The following KIF1A variants were observed in gnomAD, a reference collection of about 807,000 sequenced individuals.
The protein encoded by KIF1A is kinesin family member 1A.
Under a neutral mutation model 227.3 loss-of-function variants are expected in KIF1A, and 46 were observed. The observed-to-expected ratio is 0.20, with a 90% CI of 0.16 to 0.26. The LOEUF (loss-of-function observed/expected upper bound fraction) is 0.26. Ranked by LOEUF, KIF1A falls within the 10% of genes least tolerant of loss-of-function variation. KIF1A has a pLI of 1.00. For missense variants in KIF1A, 1,683 were observed against 2,485.9 expected (o/e 0.68, Z 6.87); for synonymous variants, 1,022 against 1,012.8 (o/e 1.01, Z -0.17).
chr2:240,725,030 G>C lies in KIF1A; in HGVS notation c.4256+241C>G, dbSNP rs571388929. Among the ~76,000 whole-genome samples the C allele has an allele frequency of 1.1e-4, 17 of 150,738 alleles. No homozygotes were observed. The highest frequency in any genetic ancestry group is 5.9e-5 in the Non-Finnish European group (4 of 67,804). On this transcript the variant is annotated intron_variant, in intron 40 of 48. Transcript: ENST00000498729. The surrounding 1 kb of genome is among the most constrained non-coding windows in gnomAD (Gnocchi z 5.8). ...CTGCCCCTCCTCCCATCCGCTGCAG[G>C]CTGGCCCTCAAGTCCCTCATAGTGG...
Position 240,726,937 on chromosome 2 carries a change from G to C in KIF1A, c.4011C>G (p.Thr1337=). ...GYIHPAQDDR[T]FYQFEAAWDS... is the part of the protein sequence containing the mutation. ...CCCACGCAGCCTCAAATTGGTAAAA[G>C]GTCCTGAAAGGAAGCAGAGACAAAG... The change falls in exon 39 of 49, where the codon ACC becomes ACG. Residue 1337 remains threonine (T), a synonymous_variant. Coordinates refer to ENST00000498729, the MANE Select transcript of KIF1A (RefSeq NM_001244008.2). The surrounding 1 kb of genome is among the most constrained non-coding windows in gnomAD (Gnocchi z 5.2). The C allele has an allele frequency of 6.3e-7, 1 of 1,589,970 alleles. No individual in the cohort carries two copies. Among genetic ancestry groups the C allele is most frequent in the African/African-American group, 1.3e-5 (1 of 74,708 alleles).
At position 240,728,068 on chromosome 2, in the gene KIF1A, G is replaced by T. The variant is rs566940711; in HGVS notation, c.4008-1128C>A. ...TTCAGAGACATCAACACACACAGCT[G>T]GGCGGCCACGCAGGCTCCAAGGCGG... On this transcript the variant is annotated intron_variant, in intron 38 of 48. Transcript: ENST00000498729. Among the ~76,000 whole-genome samples the T allele has an allele frequency of 1.6e-3, 250 of 152,310 alleles. 1 individual carries two copies. Among genetic ancestry groups the T allele is most frequent in the Non-Finnish European group, 1.5e-3 (101 of 68,028 alleles).
rs73102655 is a variant in KIF1A, at chr2:240,776,129, G to A, written c.883-203C>T. Among the ~76,000 whole-genome samples, 2,411 of 152,292 alleles carry A rather than the reference G, an allele frequency of 0.016. 79 individuals are homozygous for A. Among genetic ancestry groups the A allele is most frequent in the African/African-American group, 0.055 (2,271 of 41,552 alleles). On this transcript the variant is annotated intron_variant, in intron 10 of 48. Coordinates refer to ENST00000498729, the MANE Select transcript of KIF1A (RefSeq NM_001244008.2). Reference sequence around the variant, plus strand: ...GCCGCCACCCCAGAGGCCTCCTCTAGGCCACAGTCAGGGACTTGCTAGCAT... The same window carrying A: ...GCCGCCACCCCAGAGGCCTCCTCTAAGCCACAGTCAGGGACTTGCTAGCAT...
intron 1 of KIF1A, among the ~76,000 whole-genome samples, chr2:240,802,611 G>A (rs1022414211): frequency 6.6e-6 from 1 of 152,154 alleles, no homozygotes; most frequent in African/African-American, 2.4e-5. Context: ...CACTGAGGAG[G>A]AGAAAATATA....
intron 11 of KIF1A, among the ~76,000 whole-genome samples, chr2:240,774,727 T>A (rs1575605992): frequency 6.6e-6 from 1 of 152,198 alleles, no homozygotes. Flanking sequence ...AGGTAATGCG[T>A]GGCATGAGGA....
Position 240,716,488 on chromosome 2 carries a change from C to G in KIF1A, c.*876G>C, listed in dbSNP as rs929190287. 1 of 152,374 alleles carries G rather than the reference C, an allele frequency of 6.6e-6. No individual in the cohort carries two copies. The highest frequency in any genetic ancestry group is 1.5e-5 in the Non-Finnish European group (1 of 68,158). The allele number at this position is 152,374 out of a possible 1,614,324, so 9.4% of individuals were successfully genotyped here. A position where few individuals can be genotyped will look rare whatever the true frequency, so the allele number is the denominator to read the frequency against. ...GCACACTGGCAGGTGATCCCGACCC[C>G]GCTCCCTCCTGGTCCCCGCCCAGGA... On this transcript the variant is annotated 3_prime_UTR_variant, in exon 49 of 49. Transcript: ENST00000498729.
At position 240,762,866 on chromosome 2, in the gene KIF1A, C is replaced by T. The variant is rs1486962716; in HGVS notation, c.2023-54G>A. The T allele has an allele frequency of 2.0e-6, 3 of 1,500,938 alleles. No individual in the cohort carries two copies. In the East Asian group the frequency reaches 7.4e-5, roughly 37 times the overall value. 93.0% of individuals were successfully genotyped at this position (1,500,938 alleles called of 1,614,324 possible). On this transcript the variant is annotated intron_variant, in intron 22 of 48. Coordinates refer to ENST00000498729, the MANE Select transcript of KIF1A (RefSeq NM_001244008.2). The stretch of plus-strand genomic sequence containing the variant: ...TACGGCCCTACCTGCCTGGGCCTCT[C>T]ACACTGCGCCTAGACAGTGGGCCTC...
Position 240,787,271 on chromosome 2 carries a change from T to TGTC in KIF1A, c.406_408dup (p.Asp136dup). The TGTC allele has an allele frequency of 6.2e-7, 1 of 1,613,166 alleles. No homozygotes were observed. The highest frequency in any genetic ancestry group is 8.5e-7 in the Non-Finnish European group (1 of 1,179,634). ...CCTACCTCCACGGAGTAGGACATGT[T>TGTC]GTCGTTGGTCGTGTCGTTGATCCGA... On this transcript the variant is annotated inframe_insertion, in exon 5 of 49. Coordinates refer to ENST00000498729, the MANE Select transcript of KIF1A (RefSeq NM_001244008.2).
At position 240,778,355 on chromosome 2, in the gene KIF1A, C is replaced by T. The variant is rs1003427365; in HGVS notation, c.883-2429G>A. On this transcript the variant is annotated intron_variant, in intron 10 of 48. Coordinates refer to ENST00000498729, the MANE Select transcript of KIF1A (RefSeq NM_001244008.2). This position sits in a 1 kb window ranked among gnomAD's most constrained non-coding sequence, Gnocchi z 7.2. ...CCATTCTCCACACGCCAGTCCCCAC[C>T]GTCCCTGACACACTCGCTCTCACGG... is the stretch of plus-strand genomic sequence containing the variant. Among the ~76,000 whole-genome samples the T allele has an allele frequency of 6.6e-6, 1 of 152,034 alleles. No individual in the cohort carries two copies. Among genetic ancestry groups the T allele is most frequent in the South Asian group, 2.1e-4 (1 of 4,826 alleles).
At chr2:240,760,876 C>T in intron 24 of KIF1A, 33 bp from the exon 25 acceptor site, 1 of 1,583,058 alleles carries the variant, frequency 6.3e-7, no homozygotes, top group African/African-American at 1.4e-5. Flanking sequence ...CTCGTCAGCT[C>T]CTTGGGGGAC....
chr2:240,722,672 A>G lies in KIF1A; in HGVS notation c.4465-16T>C, dbSNP rs1210263831. Reference sequence around the variant, plus strand: ...TCTTCTCCACCTTCAGACAGGACACAAGGCCTTACCTGCTGCACCTCAGGG... The same window carrying G: ...TCTTCTCCACCTTCAGACAGGACACGAGGCCTTACCTGCTGCACCTCAGGG... On this transcript the variant is annotated splice_polypyrimidine_tract_variant and intron_variant, in intron 42 of 48. Coordinates refer to ENST00000498729, the MANE Select transcript of KIF1A (RefSeq NM_001244008.2). 1.6e-5 allele frequency: 24 copies of G among 1,496,778 alleles called. No individual in the cohort carries two copies. In the Admixed American group the frequency reaches 1.8e-4, roughly 11 times the overall value. 92.7% of individuals were successfully genotyped at this position (1,496,778 alleles called of 1,614,324 possible).
chr2:240,719,157 G>C lies in KIF1A; in HGVS notation c.5063C>G (p.Pro1688Arg). The stretch of plus-strand genomic sequence containing the variant: ...GCGCCTGGCCCAGCCTGACGTGTGC[G>C]GCTCCAGGAAGTGCAGGTACCCCTT... Reference protein sequence around the residue: ...SKKGYLHFLEPHTSGWARRFV... With the variant: ...SKKGYLHFLERHTSGWARRFV... The change falls in exon 47 of 49, where the codon CCG becomes CGG. Residue 1688 changes from proline to arginine, a missense_variant. Physicochemically the swap from Pro to Arg is moderately radical, Grantham distance 103. Transcript: ENST00000498729. 1 of 1,611,238 alleles carries C rather than the reference G, an allele frequency of 6.2e-7. No homozygotes were observed. Among genetic ancestry groups the C allele is most frequent in the Non-Finnish European group, 8.5e-7 (1 of 1,179,166 alleles).
At chr2:240,821,375 G>A (rs2058693057), upstream of KIF1A, among the ~76,000 whole-genome samples, 1 of 152,222 alleles carries the variant, frequency 6.6e-6, no homozygotes. Flanking sequence ...CGCCTTGCAG[G>A]TGGCTGGGGG....
At chr2:240,738,415 C>T (rs2047599928) in intron 37 of KIF1A, among the ~76,000 whole-genome samples, 1 of 152,200 alleles carries the variant, frequency 6.6e-6, no homozygotes, top group South Asian at 2.1e-4. Context: ...GTGCCCAGTC[C>T]TGTCCAACTC....
At chr2:240,783,655 G>A (rs2054361003) in intron 8 of KIF1A, 84 bp downstream of exon 8, 18 of 1,119,134 alleles carry the variant, frequency 1.6e-5, no homozygotes, top group Non-Finnish European at 2.1e-5. Context: ...CAGGCCCCCG[G>A]GACCCCAACA....
chr2:240,773,187 G>A lies in KIF1A; in HGVS notation c.1107C>T (p.Ile369=), dbSNP rs2052249229. ...VINEDPNNKL[I]RELKDEVTRL... is the part of the protein sequence containing the mutation. ...GGGTCACCTCATCCTTCAGCTCGCG[G>A]ATCAGCTTGTTGTTGGGGTCCTCAT... is the stretch of plus-strand genomic sequence containing the variant. Residue 369 remains isoleucine (I), a synonymous_variant, in exon 13 of 49, where the codon ATC becomes ATT. Coordinates refer to ENST00000498729, the MANE Select transcript of KIF1A (RefSeq NM_001244008.2). 6.2e-7 allele frequency: 1 copy of A among 1,613,876 alleles called. No individual in the cohort carries two copies. Among genetic ancestry groups the A allele is most frequent in the African/African-American group, 1.3e-5 (1 of 74,942 alleles).
chr2:240,765,200 G>A (rs2051016671), intron 20 of KIF1A, among the ~76,000 whole-genome samples: 1 of 152,216 alleles, frequency 6.6e-6, no homozygotes, highest in African/African-American at 2.4e-5. Context: ...CTAAAGAAGG[G>A]ACTTTATGCC....
rs887610051 is a variant in KIF1A at position 240,752,942 on chromosome 2, C to T, written c.2859-2395G>A. 6.6e-6 allele frequency among the ~76,000 whole-genome samples: 1 copy of T among 152,164 alleles called. No homozygotes were observed. The highest frequency in any genetic ancestry group is 2.4e-5 in the African/African-American group (1 of 41,446). On this transcript the variant is annotated intron_variant, in intron 27 of 48. Transcript: ENST00000498729. This position sits in a 1 kb window ranked among gnomAD's most constrained non-coding sequence, Gnocchi z 6.4. Reference sequence around the variant, plus strand: ...AAGGAGAGGCTAGAGCTGTCCAGGGCCACCCAGACAGGGTCAGACACTACC... The same window carrying T: ...AAGGAGAGGCTAGAGCTGTCCAGGGTCACCCAGACAGGGTCAGACACTACC...
chr2:240,807,076 ATATGTGTGTG>A (rs1255655788), intron 1 of KIF1A, among the ~76,000 whole-genome samples: 47 of 73,212 alleles, frequency 6.4e-4, no homozygotes, highest in African/African-American at 3.4e-3. Flanking sequence ...ATCCTCATAT[ATATGTGTGTG>A]TGTGTGTGTG....
Sources: allele counts gnomAD v4.1 joint callset (sites outside exome capture counted in the v4.1 genomes callset), GRCh38; gene constraint gnomAD v4.1.1; non-coding constraint Gnocchi (gnomAD v3.1); transcripts MANE v1.5; gene names NCBI Gene and HGNC (gene_info 2026-07-23, HGNC 2026-07-21).